Variants in RPS6KA5 observed in about 807,000 individuals in gnomAD.
The protein encoded by RPS6KA5 is ribosomal protein S6 kinase A5.
Under a neutral mutation model 85.5 loss-of-function variants are expected in RPS6KA5, and 27 were observed. That is an observed-to-expected ratio of 0.32 (90% CI 0.23 to 0.44). The LOEUF is 0.44. RPS6KA5 is among the 20% of genes least tolerant of loss of function. The pLI is 1.00. For missense variants in RPS6KA5, 811 were observed against 980.9 expected, an observed-to-expected ratio of 0.83 and a Z score of 2.31; for synonymous variants, 334 against 348.2, an observed-to-expected ratio of 0.96 and a Z score of 0.46.
intron 3 of RPS6KA5, among the ~76,000 whole-genome samples, chr14:90,964,972 T>C (rs1308014299): frequency 6.7e-6 from 1 of 150,180 alleles, no homozygotes; most frequent in Admixed American, 6.6e-5. Flanking sequence ...CAAACAAACT[T>C]GGATTGGCAA....
At chr14:90,968,189 T>C (rs528751687) in intron 3 of RPS6KA5, among the ~76,000 whole-genome samples, 12 of 152,144 alleles carry the variant, frequency 7.9e-5, no homozygotes, top group Middle Eastern at 3.2e-3. Flanking sequence ...CCTTGGCTTC[T>C]GGTCCCTTCC....
chr14:90,859,549 T>A lies in RPS6KA5; in HGVS notation c.*12525A>T, dbSNP rs533524252. 2.0e-5 allele frequency: 3 copies of A among 152,168 alleles called. No individual in the cohort carries two copies. The highest frequency in any genetic ancestry group is 4.4e-5 in the Non-Finnish European group (3 of 68,036). 9.4% of individuals were successfully genotyped at this position (152,168 alleles called of 1,614,324 possible). ...ATATTTTAGAATCCAAAATATAAGA[T>A]ATACAACTAAATTTAAAATTGATTA... is the stretch of plus-strand genomic sequence containing the variant. On this transcript the variant is annotated 3_prime_UTR_variant, in exon 17 of 17. Coordinates refer to ENST00000614987, the MANE Select transcript of RPS6KA5 (RefSeq NM_004755.4).
chr14:90,875,163 C>T (rs2033372052), intron 15 of RPS6KA5, 38 bp downstream of exon 15: 1 of 1,575,768 alleles, frequency 6.3e-7, no homozygotes. Flanking sequence ...TCAATCACTA[C>T]ACATCATATA....
intron 1 of RPS6KA5, 32 bp downstream of exon 1, chr14:91,060,300 G>C: frequency 8.3e-7 from 1 of 1,209,342 alleles, no homozygotes; most frequent in Non-Finnish European, 1.0e-6. Context: ...CCCCCGCGCC[G>C]GGCCCGGCCG....
Position 90,859,605 on chromosome 14 carries a change from T to C in RPS6KA5, c.*12469A>G, listed in dbSNP as rs897722573. The C allele has an allele frequency of 9.9e-5, 15 of 152,204 alleles. No homozygotes were observed. Among genetic ancestry groups the C allele is most frequent in the Admixed American group, 3.9e-4 (6 of 15,284 alleles). 9.4% of individuals were successfully genotyped at this position (152,204 alleles called of 1,614,324 possible). Reference sequence around the variant, plus strand: ...AGCAGAACAGGATAAGTTAATTAGGTCAGTAAAAACTATACAGATTGAAGT... The same window carrying C: ...AGCAGAACAGGATAAGTTAATTAGGCCAGTAAAAACTATACAGATTGAAGT... On this transcript the variant is annotated 3_prime_UTR_variant, in exon 17 of 17. Coordinates refer to ENST00000614987, the MANE Select transcript of RPS6KA5 (RefSeq NM_004755.4).
chr14:90,883,124 A>C (rs1477769475), intron 14 of RPS6KA5, among the ~76,000 whole-genome samples: 1 of 152,092 alleles, frequency 6.6e-6, no homozygotes, highest in Non-Finnish European at 1.5e-5. Flanking sequence ...AGTTAGTCTT[A>C]CTTGAATTTT....
chr14:90,930,115 T>C (rs1169994791), intron 5 of RPS6KA5, among the ~76,000 whole-genome samples: 1 of 152,148 alleles, frequency 6.6e-6, no homozygotes. Flanking sequence ...CAAGCGATCC[T>C]CCTACCTCAG....
chr14:90,962,854 C>G (rs1412292325), intron 3 of RPS6KA5, among the ~76,000 whole-genome samples: 1 of 152,140 alleles, frequency 6.6e-6, no homozygotes, highest in African/African-American at 2.4e-5. Flanking sequence ...GCTGAGAATA[C>G]GTTGGAGATA....
chr14:91,026,023 T>C (rs1309955882), intron 1 of RPS6KA5, among the ~76,000 whole-genome samples: 1 of 152,154 alleles, frequency 6.6e-6, no homozygotes, highest in East Asian at 1.9e-4. Context: ...GTATCTATTG[T>C]TCCCACCTTT....
intron 12 of RPS6KA5, among the ~76,000 whole-genome samples, chr14:90,898,160 T>C (rs550091261): frequency 6.6e-6 from 1 of 152,310 alleles, no homozygotes; most frequent in East Asian, 1.9e-4. Flanking sequence ...TTGGACTGTG[T>C]GGATTCAGAT....
At chr14:90,877,259 C>A (rs1169077518) in intron 14 of RPS6KA5, among the ~76,000 whole-genome samples, 1 of 152,180 alleles carries the variant, frequency 6.6e-6, no homozygotes, top group Non-Finnish European at 1.5e-5. Flanking sequence ...AGTTTCTAAT[C>A]TGGAGCAACC....
At chr14:90,996,340 A>G (rs1292243093) in intron 2 of RPS6KA5, among the ~76,000 whole-genome samples, 1 of 152,110 alleles carries the variant, frequency 6.6e-6, no homozygotes, top group East Asian at 1.9e-4. Flanking sequence ...CCAGGCCTGC[A>G]TGCATTAAAT....
Position 90,875,251 on chromosome 14 carries a change from T to G in RPS6KA5, c.1946A>C (p.Glu649Ala). ...KKIKKGDFSF[E>A]GEAWKNVSQE... ...GGATACATTCTTCCAGGCTTCTCCT[T>G]CAAAGGAGAAATCTCCCTTTTTAAT... Residue 649 changes from glutamate (E) to alanine (A), a missense_variant, in exon 15 of 17, where the codon GAA (glutamate) becomes GCA (alanine). By Grantham distance (107) the Glu-to-Ala change is moderately radical. Transcript: ENST00000614987. 6.2e-7 allele frequency: 1 copy of G among 1,613,986 alleles called. No individual in the cohort carries two copies. Among genetic ancestry groups the G allele is most frequent in the East Asian group, 2.2e-5 (1 of 44,868 alleles).
chr14:90,981,303 C>T (rs991013410), intron 2 of RPS6KA5, among the ~76,000 whole-genome samples: 1 of 152,272 alleles, frequency 6.6e-6, no homozygotes, highest in Admixed American at 6.5e-5. Context: ...TTTAAAAGCA[C>T]TATCATGTAA....
intron 2 of RPS6KA5, among the ~76,000 whole-genome samples, chr14:90,991,383 T>C (rs2140529432): frequency 6.6e-6 from 1 of 151,880 alleles, no homozygotes; most frequent in East Asian, 1.9e-4. Context: ...AGGGGAAAAT[T>C]ATAGGACTTT....
intron 7 of RPS6KA5, among the ~76,000 whole-genome samples, chr14:90,914,816 T>A (rs1234644631): frequency 6.6e-6 from 1 of 152,208 alleles, no homozygotes; most frequent in Non-Finnish European, 1.5e-5. Flanking sequence ...CTCCTTGCCA[T>A]CCCCTCCTGC....
intron 1 of RPS6KA5, among the ~76,000 whole-genome samples, chr14:91,033,528 G>A (rs752980796): frequency 3.3e-5 from 5 of 152,112 alleles, no homozygotes; most frequent in African/African-American, 4.8e-5. Context: ...CTTGAAACCG[G>A]GAGGCAGAGT....
At chr14:90,886,172 T>C (rs2034216683) in intron 14 of RPS6KA5, among the ~76,000 whole-genome samples, 1 of 151,986 alleles carries the variant, frequency 6.6e-6, no homozygotes, top group Non-Finnish European at 1.5e-5. Context: ...CTAGAAATAA[T>C]TAGAGAGAAA....
intron 3 of RPS6KA5, among the ~76,000 whole-genome samples, chr14:90,966,157 T>C (rs569037795): frequency 3.9e-5 from 6 of 152,314 alleles, no homozygotes; most frequent in South Asian, 2.1e-4. Flanking sequence ...GAAACGCAGA[T>C]ATGTGTCCTG....
Sources: gnomAD v4.1 joint callset for allele counts (sites outside exome capture counted in the v4.1 genomes callset) on GRCh38, gnomAD v4.1.1 for gene constraint, MANE v1.5 for transcripts, NCBI Gene and HGNC (gene_info 2026-07-23, HGNC 2026-07-21) for gene names.